The following ADCY4 variants were observed in gnomAD, a reference collection of about 807,000 sequenced individuals.
The protein encoded by ADCY4 is adenylate cyclase type 4.
A neutral mutation model predicts 125.5 loss-of-function variants in ADCY4; 111 were observed. The observed-to-expected ratio is 0.88, with a 90% CI of 0.76 to 1.04. The LOEUF (loss-of-function observed/expected upper bound fraction) is 1.04. Among genes scored for constraint, ADCY4 ranks in the 50% least tolerant of loss-of-function variants. The pLI, the probability that ADCY4 is intolerant of heterozygous loss-of-function variation, is 0.00. For synonymous variants in ADCY4, 576 were observed against 586.9 expected (o/e 0.98, Z 0.27); for missense variants, 1,256 against 1,382.9 (o/e 0.91, Z 1.46).
chr14:24,329,207 C>A lies in ADCY4; in HGVS notation c.1378G>T (p.Ala460Ser), dbSNP rs763642858. ...RAEEEDEKGT[A>S]GGLLSSLEGL... is the part of the protein sequence containing the mutation. ...TCAAGCGAGGACAGCAAGCCTCCTG[C>A]AGTGCCCTTCTCATCCTCCTCCTCT... is the stretch of plus-strand genomic sequence containing the variant. Residue 460 changes from alanine (A) to serine (S), a missense_variant, in exon 10 of 25, where the codon GCA becomes TCA. By Grantham distance (99) the Ala-to-Ser change is moderately conservative. Coordinates refer to ENST00000418030, the MANE Select transcript of ADCY4 (RefSeq NM_001198568.2). 6.2e-7 allele frequency: 1 copy of A among 1,613,700 alleles called. No homozygotes were observed. Among genetic ancestry groups the A allele is most frequent in the Non-Finnish European group, 8.5e-7 (1 of 1,179,858 alleles).
At chr14:24,320,266 GT>G (rs1474006335) in intron 20 of ADCY4, among the ~76,000 whole-genome samples, 1 of 152,206 alleles carries the variant, frequency 6.6e-6, no homozygotes, top group African/African-American at 2.4e-5. Context: ...GTTTAAGTCA[GT>G]TAAGATAGGT....
At chr14:24,332,738 T>C in intron 2 of ADCY4, 53 bp downstream of exon 2, 1 of 1,545,388 alleles carries the variant, frequency 6.5e-7, no homozygotes, top group Non-Finnish European at 8.8e-7. Flanking sequence ...CAAGGCCTGG[T>C]GAGGGATCGA....
Position 24,318,477 on chromosome 14 carries a change from C to A in ADCY4, c.3173G>T (p.Cys1058Phe), listed in dbSNP as rs756541369. Residue 1058 changes from cysteine to phenylalanine, a missense_variant, in exon 25 of 25, where the codon TGC (cysteine) becomes TTC (phenylalanine). Transcript: ENST00000418030. ...CAAGTCTGTGTTCAGGAAGTAGGTG[C>A]AGAGCTGCCCTTTGCCTTTCACCTT... Reference protein sequence around the residue: ...VIKVKGKGQLCTYFLNTDLTR... With the variant: ...VIKVKGKGQLFTYFLNTDLTR... The A allele has an allele frequency of 1.9e-5, 31 of 1,614,094 alleles. No individual in the cohort carries two copies. In the Admixed American group the frequency reaches 5.2e-4, roughly 27 times the overall value.
At chr14:24,329,300 T>C in intron 9 of ADCY4, 66 bp from the exon 10 acceptor site, 1 of 1,585,984 alleles carries the variant, frequency 6.3e-7, no homozygotes, top group South Asian at 1.2e-5. Flanking sequence ...CACCCCCCAC[T>C]AGGACCCAGG....
Position 24,319,660 on chromosome 14 carries a change from A to G in ADCY4, c.2733+82T>C. On this transcript the variant is annotated intron_variant, in intron 21 of 24. Transcript: ENST00000418030. This position sits in a 1 kb window ranked among gnomAD's most constrained non-coding sequence, Gnocchi z 4.5. Reference sequence around the variant, plus strand: ...GGAGGGGAGGATTGACTTCATGGCCAGAAAAGCAAAGTGGAAGGAGGTACT... The same window carrying G: ...GGAGGGGAGGATTGACTTCATGGCCGGAAAAGCAAAGTGGAAGGAGGTACT... 1 of 1,581,048 alleles carries G rather than the reference A, an allele frequency of 6.3e-7. No homozygotes were observed. Among genetic ancestry groups the G allele is most frequent in the South Asian group, 1.1e-5 (1 of 89,532 alleles).
chr14:24,329,598 T>C (rs538025669), intron 8 of ADCY4, 65 bp from the exon 9 acceptor site: 2 of 1,496,218 alleles, frequency 1.3e-6, no homozygotes, highest in African/African-American at 2.8e-5. Flanking sequence ...TCCTGCCCCA[T>C]CACCCCCATG....
chr14:24,323,219 C>T, intron 17 of ADCY4, 125 bp downstream of exon 17: 1 of 1,374,730 alleles, frequency 7.3e-7, no homozygotes, highest in Non-Finnish European at 1.0e-6. Context: ...CACACTGATA[C>T]ACACTGGGTG....
At chr14:24,322,844 T>G in intron 18 of ADCY4, 60 bp downstream of exon 18, 1 of 1,546,976 alleles carries the variant, frequency 6.5e-7, no homozygotes, top group Non-Finnish European at 8.7e-7. Flanking sequence ...ACAGCTCTGC[T>G]GTATCCCATC....
chr14:24,331,958 C>T (rs1426245520), intron 3 of ADCY4, 21 bp from the exon 4 acceptor site: 2 of 1,539,694 alleles, frequency 1.3e-6, no homozygotes, highest in Admixed American at 1.9e-5. Context: ...AGGCCAGCCT[C>T]AGAGGGCGCG....
At chr14:24,334,179 T>G (rs2042095844) in intron 1 of ADCY4, among the ~76,000 whole-genome samples, 1 of 152,118 alleles carries the variant, frequency 6.6e-6, no homozygotes, top group South Asian at 2.1e-4. Flanking sequence ...CCCAGGGGCC[T>G]CCTAGAATTT....
rs763865333 is a variant in ADCY4 at position 24,319,741 on chromosome 14, C to T, written c.2733+1G>A. ...GTCTGGGAGACTCTTGGAATTTTCA[C>T]CTCATCAAAATCAGCAATTATCTCA... On this transcript the variant is annotated splice_donor_variant, in intron 21 of 24. Transcript: ENST00000418030. LOFTEE classifies it high-confidence loss of function. This position sits in a 1 kb window ranked among gnomAD's most constrained non-coding sequence, Gnocchi z 4.5. The T allele has an allele frequency of 9.3e-6, 15 of 1,614,082 alleles. No individual in the cohort carries two copies. Among genetic ancestry groups the T allele is most frequent in the Admixed American group, 1.7e-5 (1 of 60,016 alleles).
intron 9 of ADCY4, 22 bp downstream of exon 9, chr14:24,329,379 G>A: frequency 4.5e-6 from 7 of 1,544,860 alleles, no homozygotes; most frequent in Non-Finnish European, 6.1e-6. Context: ...GCCAGCCCAT[G>A]GGGTCTGGGC....
intron 1 of ADCY4, among the ~76,000 whole-genome samples, chr14:24,333,962 C>A (rs1050513722): frequency 6.6e-6 from 1 of 152,198 alleles, no homozygotes; most frequent in Admixed American, 6.5e-5. Context: ...CGGTGATTTT[C>A]CCACCTTGCC....
rs1337889724 is a variant in ADCY4, at chr14:24,329,161, G to A, written c.1424C>T (p.Ser475Leu). The part of the protein sequence containing the change: ...SSLEGLKMRP[S>L]LLMTRYLESW... ...CTCCAGGTAACGGGTCATCAGCAGT[G>A]ATGGACGCATCTTGAGGCCCTCAAG... The change falls in exon 10 of 25, where the codon TCA (serine) becomes TTA (leucine). Residue 475 changes from serine (S) to leucine (L), a missense_variant. Physicochemically the swap from Ser to Leu is moderately radical, Grantham distance 145. Coordinates refer to ENST00000418030, the MANE Select transcript of ADCY4 (RefSeq NM_001198568.2). 2 of 1,614,040 alleles carry A rather than the reference G, an allele frequency of 1.2e-6. No individual in the cohort carries two copies. Among genetic ancestry groups the A allele is most frequent in the South Asian group, 2.2e-5 (2 of 91,074 alleles).
chr14:24,334,388 T>TC (rs986113567), intron 1 of ADCY4, 106 bp downstream of exon 1: 61 of 1,446,786 alleles, frequency 4.2e-5, no homozygotes, highest in Non-Finnish European at 5.5e-5. Flanking sequence ...GTCCTTTCTT[T>TC]CTCTGCTCCC....
rs149706608 is a variant in ADCY4 at position 24,322,136 on chromosome 14, C to G, written c.2516G>C (p.Arg839Pro). Reference protein sequence around the residue: ...EETETMENLTRLLLENVLPAH... With the variant: ...EETETMENLTPLLLENVLPAH... ...AGGGAGCACGTTCTCCAAGAGCAGC[C>G]GAGTCAGGTTCTCCATCGTCTCTGT... Residue 839 changes from arginine (R) to proline (P), a missense_variant, in exon 20 of 25, where the codon CGG becomes CCG. Arg to Pro is a moderately radical substitution (Grantham distance 103, BLOSUM62 -2). Coordinates refer to ENST00000418030, the MANE Select transcript of ADCY4 (RefSeq NM_001198568.2). 1.9e-6 allele frequency: 3 copies of G among 1,614,082 alleles called. No individual in the cohort carries two copies. The highest frequency in any genetic ancestry group is 2.2e-5 in the East Asian group (1 of 44,880).
chr14:24,329,039 C>T (rs17102976), intron 10 of ADCY4, 22 bp downstream of exon 10: 174,141 of 1,608,374 alleles, frequency 0.11, 11,307 homozygotes, highest in African/African-American at 0.31. Context: ...AGCTCTGGGG[C>T]TCAGGATGAA....
Position 24,331,237 on chromosome 14 carries a change from G to A in ADCY4, c.789C>T (p.Ser263=), listed in dbSNP as rs745804573. 4.3e-6 allele frequency: 7 copies of A among 1,614,100 alleles called. No individual in the cohort carries two copies. The South Asian group carries it at 7.7e-5, about 18-fold the overall frequency. The stretch of plus-strand genomic sequence containing the variant: ...CTCCCTGGTGCCTCTTGACATAGAG[G>A]CTGTGGAAATTGTTAGTGCTCTCTG... ...SRPESTNNFH[S]LYVKRHQGVS... is the part of the protein sequence containing the mutation. Residue 263 remains serine (S), a synonymous_variant, in exon 5 of 25, where the codon AGC becomes AGT. Transcript: ENST00000418030.
Position 24,330,949 on chromosome 14 carries a change from C to A in ADCY4, c.930+69G>T, listed in dbSNP as rs561422860. ...CTGGGATCTTATAAGGTGGGAGTTT[C>A]CCTTGGAAGGGGCTACCCAGGATGG... On this transcript the variant is annotated intron_variant, in intron 6 of 24. Transcript: ENST00000418030. 124 of 1,426,476 alleles carry A rather than the reference C, an allele frequency of 8.7e-5. 2 individuals carry two copies. The South Asian group carries it at 1.6e-3, about 18-fold the overall frequency. 88.4% of individuals were successfully genotyped at this position (1,426,476 alleles called of 1,614,324 possible).
Sources: gnomAD v4.1 joint callset for allele counts (sites outside exome capture counted in the v4.1 genomes callset) on GRCh38, gnomAD v4.1.1 for gene constraint, Gnocchi (gnomAD v3.1) non-coding constraint, MANE v1.5 for transcripts, NCBI Gene and HGNC (gene_info 2026-07-23, HGNC 2026-07-21) for gene names.